The following CREBRF variants were observed in gnomAD, a reference collection of about 807,000 sequenced individuals.
The protein encoded by CREBRF is CREB3 regulatory factor.
In CREBRF, 5 loss-of-function variants were observed where a neutral mutation model predicts 66.1. The observed-to-expected ratio is 0.08, with a 90% CI of 0.04 to 0.16. The LOEUF is 0.16. CREBRF is among the 10% of genes least tolerant of loss of function. CREBRF has a pLI of 1.00. For synonymous variants in CREBRF, 229 were observed against 264.4 expected (o/e 0.87, Z 1.30); for missense variants, 531 against 744.9 (o/e 0.71, Z 3.34).
intron 8 of CREBRF, among the ~76,000 whole-genome samples, chr5:173,130,026 T>C (rs1759379663): frequency 1.3e-5 from 2 of 152,164 alleles, no homozygotes; most frequent in South Asian, 2.1e-4. Flanking sequence ...GGTTTCACCA[T>C]GTTGTTCAGG....
rs182672660 is a variant in CREBRF, at chr5:173,072,618, A to G, written c.-191-7967A>G. Among the ~76,000 whole-genome samples, 458 of 146,348 alleles carry G rather than the reference A, an allele frequency of 3.1e-3. 3 individuals carry two copies. Among genetic ancestry groups the G allele is most frequent in the African/African-American group, 0.011 (442 of 39,476 alleles). ...TTTTTTTTTTTTTTTTTGTAGAGAC[A>G]GGGTCTCACAATGTTTCCAAGACCA... is the stretch of plus-strand genomic sequence containing the variant. On this transcript the variant is annotated intron_variant, in intron 1 of 8. Coordinates refer to ENST00000296953, the MANE Select transcript of CREBRF (RefSeq NM_153607.3).
chr5:173,120,899 G>C (rs1759124848), intron 7 of CREBRF, among the ~76,000 whole-genome samples: 2 of 151,844 alleles, frequency 1.3e-5, no homozygotes, highest in Admixed American at 1.3e-4. Context: ...CGTCATGTTG[G>C]CTAGGCTGGT....
At chr5:173,097,898 T>A (rs531483528) in intron 4 of CREBRF, among the ~76,000 whole-genome samples, 1 of 152,266 alleles carries the variant, frequency 6.6e-6, no homozygotes, top group Non-Finnish European at 1.5e-5. Context: ...TCTTTGTTAT[T>A]TTCTTCCTTC....
At chr5:173,076,716 A>G (rs1167937534) in intron 1 of CREBRF, among the ~76,000 whole-genome samples, 2 of 147,578 alleles carry the variant, frequency 1.4e-5, no homozygotes, top group African/African-American at 2.5e-5. Flanking sequence ...AGATTGCACC[A>G]CTGCATTCCA....
At chr5:173,060,849 C>T (rs1391053484) in intron 1 of CREBRF, among the ~76,000 whole-genome samples, 2 of 151,888 alleles carry the variant, frequency 1.3e-5, no homozygotes, top group African/African-American at 4.8e-5. Flanking sequence ...ATATGTTCTA[C>T]ATATTTTTGG....
chr5:173,107,676 A>G (rs1057464958), intron 4 of CREBRF, among the ~76,000 whole-genome samples: 1 of 152,142 alleles, frequency 6.6e-6, no homozygotes, highest in African/African-American at 2.4e-5. Context: ...ACACCATCAT[A>G]GAAGTGTATA....
intron 8 of CREBRF, among the ~76,000 whole-genome samples, chr5:173,125,951 G>A (rs1011468445): frequency 3.9e-5 from 6 of 152,212 alleles, no homozygotes; most frequent in African/African-American, 1.4e-4. Context: ...GCTGAGGCAG[G>A]AGGATCATGT....
chr5:173,125,798 A>C (rs552259933), intron 8 of CREBRF, among the ~76,000 whole-genome samples: 1 of 152,236 alleles, frequency 6.6e-6, no homozygotes, highest in Non-Finnish European at 1.5e-5. Flanking sequence ...CAGGAGGCAG[A>C]GGTTACAGTG....
intron 2 of CREBRF, among the ~76,000 whole-genome samples, chr5:173,081,535 G>A (rs1416102938): frequency 2.6e-5 from 4 of 152,254 alleles, no homozygotes; most frequent in African/African-American, 7.2e-5. Flanking sequence ...GCTATCCCTT[G>A]AGCACAGGGA....
intron 2 of CREBRF, chr5:173,085,792 C>A: frequency 1.3e-6 from 1 of 777,582 alleles, no homozygotes; most frequent in South Asian, 1.3e-5. Context: ...GGTCATGGGT[C>A]AGCTTTTTAG....
intron 1 of CREBRF, among the ~76,000 whole-genome samples, chr5:173,075,408 A>G (rs1216384983): frequency 6.6e-6 from 1 of 151,926 alleles, no homozygotes; most frequent in Non-Finnish European, 1.5e-5. Context: ...TGTTTTGGAG[A>G]CTTTGGGATG....
chr5:173,064,559 ATTTTTTTTTTT>A (rs1217486982), intron 1 of CREBRF, among the ~76,000 whole-genome samples: 4 of 107,646 alleles, frequency 3.7e-5, no homozygotes, highest in African/African-American at 1.1e-4. Flanking sequence ...CACCTGGTTA[ATTTTTTTTTTT>A]TTTTTTTTTT....
Position 173,134,426 on chromosome 5 carries a change from T to A in CREBRF, c.*681T>A, listed in dbSNP as rs1252482388. The stretch of plus-strand genomic sequence containing the variant: ...AATGAGAAAAAACAAGATATATAGA[T>A]GGAAAAATTATGGGGTTTAAATGTT... On this transcript the variant is annotated 3_prime_UTR_variant, in exon 9 of 9. Transcript: ENST00000296953. 3 of 305,958 alleles carry A rather than the reference T, an allele frequency of 9.8e-6. No homozygotes were observed. The Admixed American group carries it at 1.3e-4, about 14-fold the overall frequency. 19.0% of individuals were successfully genotyped at this position (305,958 alleles called of 1,614,324 possible). A position where few individuals can be genotyped will look rare whatever the true frequency, so the allele number is the denominator to read the frequency against.
chr5:173,060,720 A>T, intron 1 of CREBRF, among the ~76,000 whole-genome samples: 1 of 150,466 alleles, frequency 6.6e-6, no homozygotes. Flanking sequence ...AAGGGTTGAC[A>T]GACTTTTTTT....
At chr5:173,102,806 T>G (rs1758658271) in intron 4 of CREBRF, among the ~76,000 whole-genome samples, 1 of 152,118 alleles carries the variant, frequency 6.6e-6, no homozygotes, top group South Asian at 2.1e-4. Context: ...GGTCTGCAGC[T>G]GCTGGCTTGG....
At chr5:173,120,809 T>C (rs1371987086) in intron 7 of CREBRF, among the ~76,000 whole-genome samples, 1 of 144,880 alleles carries the variant, frequency 6.9e-6, no homozygotes, top group Non-Finnish European at 1.5e-5. Flanking sequence ...TTTTCTTGCC[T>C]CAGCCTCCTG....
In CREBRF at chr5:173,135,664, GTTCTT is replaced by G. The variant is rs1166126810; in HGVS notation, c.*1927_*1931del. The G allele has an allele frequency of 6.6e-6, 1 of 151,972 alleles. No homozygotes were observed. Among genetic ancestry groups the G allele is most frequent in the Non-Finnish European group, 1.5e-5 (1 of 67,866 alleles). 9.4% of individuals were successfully genotyped at this position (151,972 alleles called of 1,614,324 possible). On this transcript the variant is annotated 3_prime_UTR_variant, in exon 9 of 9. Transcript: ENST00000296953. ...ACTATAAAGTGTCAAAGTATAATTT[GTTCTT>G]TTCTTTTACTTTGTTACCCCATTTG...
chr5:173,117,302 C>T (rs1759012469), intron 7 of CREBRF, among the ~76,000 whole-genome samples: 1 of 151,508 alleles, frequency 6.6e-6, no homozygotes, highest in Admixed American at 6.6e-5. Flanking sequence ...ATCACTTAAA[C>T]CCGGGAGGTA....
At position 173,090,589 on chromosome 5, in the gene CREBRF, C is replaced by A; in HGVS notation, c.410C>A (p.Pro137Gln). The A allele has an allele frequency of 1.2e-6, 2 of 1,614,136 alleles. No homozygotes were observed. Among genetic ancestry groups the A allele is most frequent in the South Asian group, 2.2e-5 (2 of 91,070 alleles). The change falls in exon 4 of 9, where the codon CCA becomes CAA. Residue 137 changes from proline to glutamine, a missense_variant. Around this residue, in one of 5 missense-constraint regions of CREBRF, gnomAD observed 133 missense variants for 215.6 expected, o/e 0.62. Transcript: ENST00000296953. This position sits in a 1 kb window ranked among gnomAD's most constrained non-coding sequence, Gnocchi z 4.5. ...GATGAAGAGGTTATAAGTAAAACTC[C>A]AACTTTAGCTCAACTTAATAGTGAG... ...YQDEEVISKT[P>Q]TLAQLNSEDS...
Sources: gnomAD v4.1 joint callset for allele counts (sites outside exome capture counted in the v4.1 genomes callset) on GRCh38, gnomAD v4.1.1 for gene constraint, gnomAD v4.1.1 regional missense constraint, Gnocchi (gnomAD v3.1) non-coding constraint, MANE v1.5 for transcripts, NCBI Gene and HGNC (gene_info 2026-07-23, HGNC 2026-07-21) for gene names.